Variants in KIAA1217 observed in about 807,000 individuals in gnomAD.
KIAA1217 encodes KIAA1217.
In KIAA1217, 88 loss-of-function variants were observed where a neutral mutation model predicts 163.9. The observed-to-expected ratio is 0.54, with a 90% CI of 0.45 to 0.64. The LOEUF is 0.64. Among genes scored for constraint, KIAA1217 ranks in the 30% least tolerant of loss-of-function variants. The pLI is 0.00. For synonymous variants in KIAA1217, 903 were observed against 923.1 expected, an observed-to-expected ratio of 0.98 and a Z score of 0.39; for missense variants, 2,372 against 2,475.0, an observed-to-expected ratio of 0.96 and a Z score of 0.88.
At chr10:24,211,614 G>T (rs2068136672) in intron 1 of KIAA1217, among the ~76,000 whole-genome samples, 2 of 149,298 alleles carry the variant, frequency 1.3e-5, no homozygotes, top group Admixed American at 6.7e-5. Flanking sequence ...TTTAGAGAAG[G>T]GGTCTTGCTA....
At chr10:23,935,038 A>C (rs978594906) in intron 1 of KIAA1217, among the ~76,000 whole-genome samples, 7 of 152,060 alleles carry the variant, frequency 4.6e-5, no homozygotes, top group African/African-American at 1.7e-4. Context: ...GACTCCAAAA[A>C]CCTACAAGCT....
chr10:23,907,526 G>A (rs887091106), intron 1 of KIAA1217, among the ~76,000 whole-genome samples: 1 of 152,040 alleles, frequency 6.6e-6, no homozygotes, highest in Non-Finnish European at 1.5e-5. Context: ...AGAGACAATG[G>A]TCCTGGTCTG....
At chr10:24,300,168 A>G (rs11599726) in intron 2 of KIAA1217, among the ~76,000 whole-genome samples, 41 of 152,362 alleles carry the variant, frequency 2.7e-4, no homozygotes, top group Middle Eastern at 3.4e-3. Flanking sequence ...AATGTTTGTA[A>G]GACAACATGA....
intron 1 of KIAA1217, 25 bp downstream of exon 1, chr10:24,209,288 T>C: frequency 6.3e-7 from 1 of 1,586,560 alleles, no homozygotes; most frequent in Non-Finnish European, 8.6e-7. Context: ...CATTCAAAGA[T>C]GGAGTTACAG....
chr10:24,097,280 A>G (rs577146199), intron 2 of KIAA1217, among the ~76,000 whole-genome samples: 1 of 152,240 alleles, frequency 6.6e-6, no homozygotes, highest in African/African-American at 2.4e-5. Context: ...GGCTGGACTC[A>G]GTGGTTCATG....
intron 1 of KIAA1217, among the ~76,000 whole-genome samples, chr10:23,923,692 G>A (rs994701492): frequency 6.6e-6 from 1 of 152,162 alleles, no homozygotes; most frequent in Non-Finnish European, 1.5e-5. Context: ...TTCTCCCCCT[G>A]GAGCTCACAG....
intron 2 of KIAA1217, among the ~76,000 whole-genome samples, chr10:24,235,779 T>A (rs1181180779): frequency 6.6e-6 from 1 of 152,180 alleles, no homozygotes; most frequent in East Asian, 1.9e-4. Flanking sequence ...GTACCGTCTG[T>A]TAACTCCGTA....
intron 1 of KIAA1217, among the ~76,000 whole-genome samples, chr10:23,788,514 C>A (rs4403708): frequency 4.6e-4 from 70 of 152,274 alleles, no homozygotes; most frequent in Admixed American, 3.1e-3. Context: ...GTAGGGATCC[C>A]CTAGTTCTGC....
intron 2 of KIAA1217, among the ~76,000 whole-genome samples, chr10:24,224,858 ACT>A (rs1186127115): frequency 8.7e-6 from 1 of 115,344 alleles, no homozygotes; most frequent in Non-Finnish European, 1.7e-5. Context: ...ATGGAGTCTC[ACT>A]CTGTCACCCA....
At chr10:24,130,561 T>C (rs1008165900) in intron 2 of KIAA1217, among the ~76,000 whole-genome samples, 7 of 152,174 alleles carry the variant, frequency 4.6e-5, no homozygotes, top group African/African-American at 1.4e-4. Context: ...GCCTGGAATA[T>C]AGAGTTGATA....
intron 6 of KIAA1217, among the ~76,000 whole-genome samples, chr10:24,478,842 T>C (rs375298594): frequency 2.6e-5 from 4 of 152,366 alleles, no homozygotes; most frequent in South Asian, 4.1e-4. Context: ...GTTTGGATCA[T>C]ATACTGTAAT....
At chr10:24,487,818 G>A (rs2065600362) in intron 6 of KIAA1217, among the ~76,000 whole-genome samples, 1 of 152,150 alleles carries the variant, frequency 6.6e-6, no homozygotes, top group Non-Finnish European at 1.5e-5. Context: ...CAGAAGGAGA[G>A]GACATAGGAA....
intron 2 of KIAA1217, among the ~76,000 whole-genome samples, chr10:24,348,784 A>G (rs1428780338): frequency 1.3e-5 from 2 of 152,158 alleles, no homozygotes; most frequent in Non-Finnish European, 2.9e-5. Flanking sequence ...GGAGAAATTT[A>G]GGGCCCTAGC....
At chr10:24,115,622 C>G (rs1249587862) in intron 2 of KIAA1217, among the ~76,000 whole-genome samples, 1 of 152,234 alleles carries the variant, frequency 6.6e-6, no homozygotes, top group Non-Finnish European at 1.5e-5. Flanking sequence ...AGACCTCTGT[C>G]TTTCTGCAGT....
intron 2 of KIAA1217, among the ~76,000 whole-genome samples, chr10:24,225,060 T>C (rs960837633): frequency 6.6e-5 from 10 of 151,884 alleles, no homozygotes; most frequent in Non-Finnish European, 1.0e-4. Context: ...CTCCTGACAT[T>C]GTGATCTGCC....
chr10:24,026,555 A>C (rs979962472), intron 2 of KIAA1217, among the ~76,000 whole-genome samples: 1 of 151,852 alleles, frequency 6.6e-6, no homozygotes, highest in Admixed American at 6.6e-5. Context: ...GTATAAAGCT[A>C]TTCATAATTG....
intron 2 of KIAA1217, among the ~76,000 whole-genome samples, chr10:24,032,246 AT>A (rs1848218208): frequency 6.6e-6 from 1 of 152,076 alleles, no homozygotes; most frequent in Admixed American, 6.6e-5. Flanking sequence ...CTAAGTATTC[AT>A]AGTTTTGTTT....
At position 23,780,999 on chromosome 10, in the gene KIAA1217, C is replaced by T. The variant is rs578003696; in HGVS notation, c.-321+85765C>T. On this transcript the variant is annotated intron_variant, in intron 1 of 18. Coordinates refer to the KIAA1217 transcript ENST00000376462. ...CCTGGACACCGGATTTTCTTAACCACTTATTTATAGACAGCCACTTAGGTT... is the reference window on the plus strand; with the variant it reads ...CCTGGACACCGGATTTTCTTAACCATTTATTTATAGACAGCCACTTAGGTT... Among the ~76,000 whole-genome samples the T allele has an allele frequency of 4.6e-5, 7 of 152,258 alleles. No homozygotes were observed. The East Asian group carries it at 1.3e-3, about 29-fold the overall frequency.
intron 3 of KIAA1217, among the ~76,000 whole-genome samples, chr10:24,412,233 G>A (rs986142111): frequency 9.2e-5 from 14 of 151,782 alleles, no homozygotes; most frequent in Admixed American, 8.5e-4. Context: ...TATTATTACT[G>A]GTGGCATTCG....
Sources: allele counts gnomAD v4.1 joint callset (sites outside exome capture counted in the v4.1 genomes callset), GRCh38; gene constraint gnomAD v4.1.1; transcripts MANE v1.5; gene names NCBI Gene and HGNC (gene_info 2026-07-23, HGNC 2026-07-21).